The following NAF1 variants were observed in gnomAD, a reference collection of about 807,000 sequenced individuals.
NAF1 encodes nuclear assembly factor 1 ribonucleoprotein, also known as H/ACA ribonucleoprotein complex non-core subunit NAF1.
NAF1 carries 11 observed loss-of-function variants against 40.6 expected under a neutral mutation model. The ratio of observed to expected loss-of-function variants is 0.27; its 90% confidence interval spans 0.17 to 0.45. The LOEUF (loss-of-function observed/expected upper bound fraction) is 0.45. Ranked by LOEUF, NAF1 falls within the 20% of genes least tolerant of loss-of-function variation. The pLI, the probability that NAF1 is intolerant of heterozygous loss-of-function variation, is 1.00. For synonymous variants in NAF1, 260 were observed against 228.5 expected, an observed-to-expected ratio of 1.14 and a Z score of -1.24; for missense variants, 607 against 611.1, an observed-to-expected ratio of 0.99 and a Z score of 0.07.
At chr4:163,124,727 A>AAAGC (rs1359847081), downstream of NAF1, among the ~76,000 whole-genome samples, 1 of 152,254 alleles carries the variant, frequency 6.6e-6, no homozygotes, top group East Asian at 1.9e-4. Flanking sequence ...AACTTAATTT[A>AAAGC]AAGCAAAGAT....
intron 2 of NAF1, among the ~76,000 whole-genome samples, chr4:163,158,655 T>TAAG (rs3052231): frequency 0.78 from 117,938 of 151,600 alleles, 45,903 homozygotes; most frequent in South Asian, 0.84. Flanking sequence ...ACAAAGTTCA[T>TAAG]AATACTTTCA....
intron 3 of NAF1, among the ~76,000 whole-genome samples, chr4:163,147,652 CTAAA>C (rs887698941): frequency 2.0e-5 from 3 of 152,166 alleles, no homozygotes; most frequent in Non-Finnish European, 4.4e-5. Context: ...TATCCACACT[CTAAA>C]TACCTGAATC....
intron 2 of NAF1, among the ~76,000 whole-genome samples, chr4:163,152,867 G>C (rs985769227): frequency 2.6e-5 from 4 of 152,220 alleles, no homozygotes; most frequent in East Asian, 1.9e-4. Flanking sequence ...AGCGGGAACC[G>C]GGGCTGCGCG....
chr4:163,117,680 TACACACACACACACACAC>T (rs55869899), intron 2 of NAF1, among the ~76,000 whole-genome samples: 5 of 134,852 alleles, frequency 3.7e-5, no homozygotes, highest in South Asian at 2.5e-4. Flanking sequence ...CTGGAAGCAA[TACACACACACACACACAC>T]ACACACACAC....
chr4:163,139,319 T>C (rs978272428), intron 5 of NAF1, among the ~76,000 whole-genome samples: 4 of 152,136 alleles, frequency 2.6e-5, no homozygotes, highest in African/African-American at 9.7e-5. Flanking sequence ...GGAACTTCTG[T>C]GTCAAACTGA....
chr4:163,146,957 T>C (rs141588676), intron 3 of NAF1, among the ~76,000 whole-genome samples: 1 of 152,304 alleles, frequency 6.6e-6, no homozygotes, highest in African/African-American at 2.4e-5. Context: ...ATTTATTTTT[T>C]TGAGGATCAA....
intron 2 of NAF1, among the ~76,000 whole-genome samples, chr4:163,148,703 C>T (rs1347339539): frequency 6.6e-6 from 1 of 152,194 alleles, no homozygotes; most frequent in African/African-American, 2.4e-5. Context: ...ATTCTACATT[C>T]TTTCAGTCAC....
chr4:163,143,590 C>T (rs1203737462), intron 4 of NAF1, among the ~76,000 whole-genome samples: 3 of 152,140 alleles, frequency 2.0e-5, no homozygotes, highest in Non-Finnish European at 4.4e-5. Context: ...AGGTAACTCC[C>T]AGTTTTTCTA....
chr4:163,116,648 C>T (rs1266857883), intron 2 of NAF1, among the ~76,000 whole-genome samples: 1 of 152,146 alleles, frequency 6.6e-6, no homozygotes, highest in Non-Finnish European at 1.5e-5. Context: ...GATCAGACAA[C>T]TCCTGTGTTC....
At chr4:163,135,947 C>T (rs1279372632) in intron 6 of NAF1, 1 of 152,076 alleles carries the variant, frequency 6.6e-6, no homozygotes, top group Non-Finnish European at 1.5e-5. Flanking sequence ...ATATTCAGAG[C>T]CTTAACTGAA....
chr4:163,105,771 C>T (rs575691787), downstream of NAF1, among the ~76,000 whole-genome samples: 2 of 152,100 alleles, frequency 1.3e-5, no homozygotes, highest in Non-Finnish European at 2.9e-5. Flanking sequence ...ACTTGTCTGG[C>T]TTGTATCTGT....
At position 163,164,411 on chromosome 4, in the gene NAF1, TAAAA is replaced by T; in HGVS notation, c.366-24_366-21del. ...GTTTCACTGTAGGGAAGAAAACAGT[TAAAA>T]AAATAGTCCAGTATTATTATACTAA... On this transcript the variant is annotated intron_variant, in intron 1 of 7. Coordinates refer to ENST00000274054, the MANE Select transcript of NAF1 (RefSeq NM_138386.3). 6.7e-7 allele frequency: 1 copy of T among 1,488,494 alleles called. No homozygotes were observed. The highest frequency in any genetic ancestry group is 8.9e-7 in the Non-Finnish European group (1 of 1,117,410). 92.2% of individuals were successfully genotyped at this position (1,488,494 alleles called of 1,614,324 possible). A position where few individuals can be genotyped will look rare whatever the true frequency, so the allele number is the denominator to read the frequency against.
At chr4:163,144,784 A>C (rs1728134432) in intron 4 of NAF1, among the ~76,000 whole-genome samples, 1 of 152,182 alleles carries the variant, frequency 6.6e-6, no homozygotes, top group African/African-American at 2.4e-5. Flanking sequence ...ATGACAGCTG[A>C]ATATTAATAT....
At chr4:163,157,488 A>C (rs1421551975) in intron 2 of NAF1, 2 of 152,040 alleles carry the variant, frequency 1.3e-5, no homozygotes, top group Admixed American at 1.3e-4. Flanking sequence ...CACAAGTTCT[A>C]AACAGTTACA....
At chr4:163,120,884 T>C (rs1201572615) in intron 2 of NAF1, among the ~76,000 whole-genome samples, 1 of 152,120 alleles carries the variant, frequency 6.6e-6, no homozygotes, top group Non-Finnish European at 1.5e-5. Context: ...AAACAAGTCC[T>C]TTGGTCTGAT....
downstream of NAF1, among the ~76,000 whole-genome samples, chr4:163,109,175 TTC>T (rs1431055431): frequency 6.6e-6 from 1 of 151,174 alleles, no homozygotes; most frequent in Admixed American, 6.6e-5. Flanking sequence ...TTTTTTTTTT[TTC>T]ACATGGAAAC....
downstream of NAF1, among the ~76,000 whole-genome samples, chr4:163,106,688 TAATA>T (rs1730054302): frequency 6.6e-6 from 1 of 152,168 alleles, no homozygotes; most frequent in African/African-American, 2.4e-5. Flanking sequence ...TTATTTTAAT[TAATA>T]AATAATTCAG....
chr4:163,113,555 T>G (rs1730230540), intron 2 of NAF1, among the ~76,000 whole-genome samples: 1 of 152,080 alleles, frequency 6.6e-6, no homozygotes, highest in African/African-American at 2.4e-5. Context: ...AGGATCAGAC[T>G]TCAAGCTTGG....
chr4:163,164,756 G>A (rs1433075194), intron 1 of NAF1, among the ~76,000 whole-genome samples: 1 of 152,258 alleles, frequency 6.6e-6, no homozygotes, highest in Non-Finnish European at 1.5e-5. Context: ...TCTGGGCATG[G>A]CACCTCTCTT....
Sources: allele counts gnomAD v4.1 joint callset (sites outside exome capture counted in the v4.1 genomes callset), GRCh38; gene constraint gnomAD v4.1.1; transcripts MANE v1.5; gene names NCBI Gene and HGNC (gene_info 2026-07-23, HGNC 2026-07-21).